The following ZNF48 variants were observed in gnomAD, a reference collection of about 807,000 sequenced individuals.
The protein encoded by ZNF48 is zinc finger protein 48, also known as zinc finger protein 553.
Under a neutral mutation model 40.0 loss-of-function variants are expected in ZNF48, and 20 were observed. That is an observed-to-expected ratio of 0.50 (90% CI 0.35 to 0.73). The LOEUF is 0.73. ZNF48 is among the 30% of genes least tolerant of loss of function. The pLI is 0.01. For missense variants in ZNF48, 726 were observed against 851.9 expected (o/e 0.85, Z 1.84); for synonymous variants, 298 against 329.7 (o/e 0.90, Z 1.04).
At chr16:30,393,234 G>A (rs1371874156), upstream of ZNF48, among the ~76,000 whole-genome samples, 6 of 151,612 alleles carry the variant, frequency 4.0e-5, no homozygotes, top group Admixed American at 1.3e-4. Context: ...CTGCCACCAC[G>A]CCCTGCTAAT....
Position 30,397,965 on chromosome 16 carries a change from C to T in ZNF48, c.715C>T (p.Gln239Ter). 6.2e-7 allele frequency: 1 copy of T among 1,613,996 alleles called. No individual in the cohort carries two copies. Among genetic ancestry groups the T allele is most frequent in the Non-Finnish European group, 8.5e-7 (1 of 1,180,004 alleles). The change falls in exon 3 of 3, where the codon CAG (glutamine) becomes TAG (stop). Residue 239 changes from glutamine to a stop codon, truncating the protein, a stop_gained. Coordinates refer to ENST00000613509, the MANE Select transcript of ZNF48 (RefSeq NM_001214909.2). LOFTEE classifies it high-confidence loss of function. This position sits in a 1 kb window ranked among gnomAD's most constrained non-coding sequence, Gnocchi z 4.1. ...FGDSSARIKH[Q>*]RTHRGEQPPR... The stretch of plus-strand genomic sequence containing the variant: ...CGACAGTTCCGCCCGCATCAAGCAC[C>T]AGCGGACACACCGGGGGGAGCAGCC...
rs1014823739 is a variant in ZNF48 at position 30,380,179 on chromosome 16, C to A, written c.-16+1769C>A. 2.9e-5 allele frequency: 16 copies of A among 549,724 alleles called. No homozygotes were observed. In the African/African-American group the frequency reaches 3.1e-4, roughly 11 times the overall value. 34.1% of individuals were successfully genotyped at this position (549,724 alleles called of 1,614,324 possible). ...ACAGAGATGGGGAGAGATGGACATA[C>A]AGGAAGACAAAAACAAAATCTCAGA... On this transcript the variant is annotated intron_variant, in intron 1 of 2. Coordinates refer to the ZNF48 transcript ENST00000528032.
intron 1 of ZNF48, chr16:30,379,441 C>A: frequency 6.2e-7 from 1 of 1,613,404 alleles, no homozygotes; most frequent in Non-Finnish European, 8.5e-7. Flanking sequence ...TCACCCTCCA[C>A]GGTCCCCCAG....
Position 30,395,691 on chromosome 16 carries a change from C to T in ZNF48, c.-15-89C>T. On this transcript the variant is annotated intron_variant, in intron 1 of 2. Transcript: ENST00000613509. The surrounding 1 kb of genome is among the most constrained non-coding windows in gnomAD (Gnocchi z 5.9). ...ACCTGGGACCCGACGCCGCCCGGTG[C>T]CCGCGCTGGCCGGCAGAGGGCAGCG... is the stretch of plus-strand genomic sequence containing the variant. 1 of 1,137,820 alleles carries T rather than the reference C, an allele frequency of 8.8e-7. No homozygotes were observed. Among genetic ancestry groups the T allele is most frequent in the Non-Finnish European group, 1.1e-6 (1 of 905,882 alleles). 70.5% of individuals were successfully genotyped at this position (1,137,820 alleles called of 1,614,324 possible). A position where few individuals can be genotyped will look rare whatever the true frequency, so the allele number is the denominator to read the frequency against.
rs537971949 is a variant in ZNF48, at chr16:30,382,198, C to G, written c.-16+3788C>G. On this transcript the variant is annotated intron_variant, in intron 1 of 2. Transcript: ENST00000528032. The surrounding 1 kb of genome is among the most constrained non-coding windows in gnomAD (Gnocchi z 4.8). ...GACTCCCCTGTGGACAGAACAGGCC[C>G]AACTGGTCAGGGGAGGGGACAGCCA... 1 of 1,612,710 alleles carries G rather than the reference C, an allele frequency of 6.2e-7. No individual in the cohort carries two copies. The highest frequency in any genetic ancestry group is 2.2e-5 in the East Asian group (1 of 44,832).
chr16:30,398,908 C>T lies in ZNF48; in HGVS notation c.1658C>T (p.Pro553Leu). The T allele has an allele frequency of 6.2e-7, 1 of 1,613,836 alleles. No individual in the cohort carries two copies. Among genetic ancestry groups the T allele is most frequent in the Non-Finnish European group, 8.5e-7 (1 of 1,179,892 alleles). ...TGTGGCTTCTGTGGGAAGGAGTTCC[C>T]CCGGAGCTCAGATCTGGTCAAACAC... ...HVCGFCGKEF[P>L]RSSDLVKHRR... is the part of the protein sequence containing the mutation. The change falls in exon 3 of 3, where the codon CCC (proline) becomes CTC (leucine). Residue 553 changes from proline to leucine, a missense_variant. This residue lies in a region of ZNF48 where 166 missense variants were observed against 163.6 expected (regional missense o/e 1.01). Coordinates refer to ENST00000613509, the MANE Select transcript of ZNF48 (RefSeq NM_001214909.2). This position sits in a 1 kb window ranked among gnomAD's most constrained non-coding sequence, Gnocchi z 6.6.
intron 1 of ZNF48, among the ~76,000 whole-genome samples, chr16:30,385,886 G>T (rs1406248410): frequency 3.9e-5 from 6 of 152,142 alleles, no homozygotes; most frequent in Non-Finnish European, 7.3e-5. Flanking sequence ...AGTGCTTTGG[G>T]AGGCTGAGGT....
Position 30,382,177 on chromosome 16 carries a change from C to T in ZNF48, c.-16+3767C>T, listed in dbSNP as rs1291025149. The T allele has an allele frequency of 6.2e-7, 1 of 1,610,832 alleles. No individual in the cohort carries two copies. On this transcript the variant is annotated intron_variant, in intron 1 of 2. Coordinates refer to the ZNF48 transcript ENST00000528032. The surrounding 1 kb of genome is among the most constrained non-coding windows in gnomAD (Gnocchi z 4.8). ...AGGGTGGATTTCCCTAGGCCTGACT[C>T]CCCTGTGGACAGAACAGGCCCAACT... is the stretch of plus-strand genomic sequence containing the variant.
Position 30,395,967 on chromosome 16 carries a change from ACG to A in ZNF48, c.79+95_79+96del. The A allele has an allele frequency of 7.7e-7, 1 of 1,306,416 alleles. No homozygotes were observed. The allele number at this position is 1,306,416 out of a possible 1,614,324, so 80.9% of individuals were successfully genotyped here. A position where few individuals can be genotyped will look rare whatever the true frequency, so the allele number is the denominator to read the frequency against. ...GCCGGCCGAGATCCTGGAAGATCGG[ACG>A]TGAGCTGTGCCTCTGGGGAGATAGG... is the stretch of plus-strand genomic sequence containing the variant. On this transcript the variant is annotated intron_variant, in intron 2 of 2. Transcript: ENST00000613509. This position sits in a 1 kb window ranked among gnomAD's most constrained non-coding sequence, Gnocchi z 5.9.
chr16:30,382,481 G>T lies in ZNF48; in HGVS notation c.-16+4071G>T. 1 of 1,593,842 alleles carries T rather than the reference G, an allele frequency of 6.3e-7. No homozygotes were observed. The highest frequency in any genetic ancestry group is 1.1e-5 in the South Asian group (1 of 89,466). On this transcript the variant is annotated intron_variant, in intron 1 of 2. Transcript: ENST00000528032. This position sits in a 1 kb window ranked among gnomAD's most constrained non-coding sequence, Gnocchi z 4.8. ...GGGGTCTGGGGACCCCAGGCATGGG[G>T]GCTGGGGGCCGAGATGCCCAGGTTT...
intron 1 of ZNF48, among the ~76,000 whole-genome samples, chr16:30,383,539 G>A (rs922224397): frequency 2.0e-5 from 3 of 152,184 alleles, no homozygotes; most frequent in Admixed American, 2.0e-4. Flanking sequence ...AAGCCATGAT[G>A]GGATTGGGAG....
Position 30,379,100 on chromosome 16 carries a change from G to C in ZNF48, c.-16+690G>C, listed in dbSNP as rs530216744. On this transcript the variant is annotated intron_variant, in intron 1 of 2. Coordinates refer to the ZNF48 transcript ENST00000528032. ...CGGTAGCCCTCGTAGAGCAGATCGT[G>C]CGTCACCTCTTTCAGGTCCTGCAGG... 107 of 1,614,098 alleles carry C rather than the reference G, an allele frequency of 6.6e-5. 1 individual carries two copies. In the South Asian group the frequency reaches 1.1e-3, roughly 16 times the overall value.
chr16:30,379,448 C>G, intron 1 of ZNF48: 2 of 1,613,912 alleles, frequency 1.2e-6, no homozygotes, highest in Non-Finnish European at 1.7e-6. Context: ...CCACGGTCCC[C>G]CAGGAGTAGC....
At chr16:30,378,911 CTG>C in intron 1 of ZNF48, 2 of 1,101,828 alleles carry the variant, frequency 1.8e-6, no homozygotes, top group Non-Finnish European at 2.6e-6. Context: ...AGAGAGAAGT[CTG>C]AGTGGTGAAG....
intron 1 of ZNF48, among the ~76,000 whole-genome samples, chr16:30,385,963 T>TA (rs1296457223): frequency 1.3e-5 from 2 of 151,436 alleles, no homozygotes; most frequent in African/African-American, 4.9e-5. Context: ...CGATCTGTAT[T>TA]AAAAAAATAA....
chr16:30,385,221 TATAA>T (rs147621325), intron 1 of ZNF48, among the ~76,000 whole-genome samples: 222 of 128,188 alleles, frequency 1.7e-3, no homozygotes, highest in African/African-American at 7.0e-3. Context: ...ATAATAATAA[TATAA>T]ATAAATAAAT....
In ZNF48 at chr16:30,395,939, G is replaced by T; in HGVS notation, c.79+66G>T. The T allele has an allele frequency of 3.5e-6, 5 of 1,417,834 alleles. No individual in the cohort carries two copies. The highest frequency in any genetic ancestry group is 3.7e-6 in the Non-Finnish European group (4 of 1,068,650). The allele number at this position is 1,417,834 out of a possible 1,614,324, so 87.8% of individuals were successfully genotyped here. A position where few individuals can be genotyped will look rare whatever the true frequency, so the allele number is the denominator to read the frequency against. On this transcript the variant is annotated intron_variant, in intron 2 of 2. Transcript: ENST00000613509. This position sits in a 1 kb window ranked among gnomAD's most constrained non-coding sequence, Gnocchi z 5.9. ...CCGGTGGGGACTGCGATGCTTGGCTGTGGCCGGCCGAGATCCTGGAAGATC... is the reference window on the plus strand; with the variant it reads ...CCGGTGGGGACTGCGATGCTTGGCTTTGGCCGGCCGAGATCCTGGAAGATC...
rs2049812113 is a variant in ZNF48, at chr16:30,379,591, T to G, written c.-16+1181T>G. 3.9e-6 allele frequency: 5 copies of G among 1,295,860 alleles called. No individual in the cohort carries two copies. The Admixed American group carries it at 5.2e-5, about 13-fold the overall frequency. 80.3% of individuals were successfully genotyped at this position (1,295,860 alleles called of 1,614,324 possible). ...GCTCACACGGCAGAAACTTTCTCTTTCCCAGCTTCAATCTCCACACCCGCC... is the reference window on the plus strand; with the variant it reads ...GCTCACACGGCAGAAACTTTCTCTTGCCCAGCTTCAATCTCCACACCCGCC... On this transcript the variant is annotated intron_variant, in intron 1 of 2. Transcript: ENST00000528032.
intron 1 of ZNF48, among the ~76,000 whole-genome samples, chr16:30,387,408 A>C (rs1233432085): frequency 6.8e-6 from 1 of 147,398 alleles, no homozygotes; most frequent in Non-Finnish European, 1.5e-5. Flanking sequence ...TACAAAAATT[A>C]GCCAGGCATG....
Sources: gnomAD v4.1 joint callset for allele counts (sites outside exome capture counted in the v4.1 genomes callset) on GRCh38, gnomAD v4.1.1 for gene constraint, gnomAD v4.1.1 regional missense constraint, Gnocchi (gnomAD v3.1) non-coding constraint, MANE v1.5 for transcripts, NCBI Gene and HGNC (gene_info 2026-07-23, HGNC 2026-07-21) for gene names.